Variants in HYDIN observed in about 807,000 individuals in gnomAD.
HYDIN encodes HYDIN axonemal central pair apparatus protein.
Under a neutral mutation model 403.9 loss-of-function variants are expected in HYDIN, and 132 were observed. The ratio of observed to expected loss-of-function variants is 0.33; its 90% CI spans 0.28 to 0.38. HYDIN has a LOEUF of 0.38. Ranked by LOEUF, HYDIN falls within the 10% of genes least tolerant of loss-of-function variation. The pLI is 1.00. For missense variants in HYDIN, 2,827 were observed against 5,009.5 expected (o/e 0.56, Z 13.15); for synonymous variants, 1,202 against 1,891.7 (o/e 0.64, Z 9.46).
At chr16:71,041,487 A>C (rs1004749875) in intron 18 of HYDIN, among the ~76,000 whole-genome samples, 27 of 152,284 alleles carry the variant, frequency 1.8e-4, no homozygotes, top group Non-Finnish European at 3.7e-4. Flanking sequence ...GGATTAGTTA[A>C]ATCAACTGTG....
intron 13 of HYDIN, among the ~76,000 whole-genome samples, chr16:71,070,321 C>CTT (rs1228628094): frequency 3.6e-5 from 5 of 137,284 alleles, no homozygotes; most frequent in Non-Finnish European, 6.5e-5. Context: ...TCCTTTCTTT[C>CTT]TTTTTTTTTT....
intron 7 of HYDIN, among the ~76,000 whole-genome samples, chr16:71,138,784 T>A (rs1568214618): frequency 6.6e-6 from 1 of 152,092 alleles, no homozygotes; most frequent in Non-Finnish European, 1.5e-5. Context: ...AAGTTAATAC[T>A]CAAAGAACTA....
At chr16:71,225,810 A>G (rs867401625) in intron 1 of HYDIN, among the ~76,000 whole-genome samples, 1 of 152,358 alleles carries the variant, frequency 6.6e-6, no homozygotes, top group Middle Eastern at 3.4e-3. Flanking sequence ...TTAAAACAGT[A>G]TCATATACAA....
At chr16:70,881,799 C>A (rs2040825802) in intron 60 of HYDIN, among the ~76,000 whole-genome samples, 1 of 152,232 alleles carries the variant, frequency 6.6e-6, no homozygotes, top group African/African-American at 2.4e-5. Flanking sequence ...CAACTGTGAA[C>A]AATGCCAGCT....
chr16:71,214,314 C>G lies in HYDIN; in HGVS notation c.-24+16248G>C, dbSNP rs1424135. 8.5e-3 allele frequency among the ~76,000 whole-genome samples: 1,293 copies of G among 152,062 alleles called. 18 individuals carry two copies. The highest frequency in any genetic ancestry group is 0.03 in the African/African-American group (1,229 of 41,470). Reference sequence around the variant, plus strand: ...GTAAAAGATATTTTTCCAGATCAAACTGGAAATGGAACTTCAAATAAATCA... The same window carrying G: ...GTAAAAGATATTTTTCCAGATCAAAGTGGAAATGGAACTTCAAATAAATCA... On this transcript the variant is annotated intron_variant, in intron 1 of 85. Transcript: ENST00000393567.
At chr16:70,932,009 CAAAAA>C (rs57391181) in intron 45 of HYDIN, among the ~76,000 whole-genome samples, 2 of 29,072 alleles carry the variant, frequency 6.9e-5, no homozygotes, top group African/African-American at 4.0e-4. Flanking sequence ...AGACTTGTAT[CAAAAA>C]AAAAAAAAAA....
chr16:70,920,169 G>A (rs2076952284), intron 46 of HYDIN, among the ~76,000 whole-genome samples: 1 of 56,742 alleles, frequency 1.8e-5, no homozygotes, highest in Non-Finnish European at 3.5e-5. Context: ...TAGCAAAGGT[G>A]GCTTTTGGAT....
chr16:70,940,562 A>G (rs1454104661), intron 43 of HYDIN, among the ~76,000 whole-genome samples: 1 of 151,940 alleles, frequency 6.6e-6, no homozygotes, highest in African/African-American at 2.4e-5. Context: ...AACTGGGAGA[A>G]ATTTCATTCT....
intron 84 of HYDIN, chr16:70,817,604 A>C (rs577588121): frequency 2.6e-5 from 4 of 152,294 alleles, no homozygotes; most frequent in African/African-American, 9.6e-5. Flanking sequence ...TCACAATTCT[A>C]TAATTCCAGC....
At chr16:70,887,777 G>A (rs377357917) in intron 58 of HYDIN, among the ~76,000 whole-genome samples, 5 of 149,342 alleles carry the variant, frequency 3.3e-5, no homozygotes, top group East Asian at 2.0e-4. Context: ...TCTGCCTCCC[G>A]GGTTCATGCC....
intron 7 of HYDIN, among the ~76,000 whole-genome samples, chr16:71,145,988 A>G (rs548091462): frequency 1.3e-5 from 2 of 152,200 alleles, no homozygotes; most frequent in South Asian, 4.2e-4. Context: ...TGAACTCAAA[A>G]CTCAACAAAT....
At chr16:70,980,608 T>C (rs1437341226) in intron 29 of HYDIN, among the ~76,000 whole-genome samples, 1 of 150,984 alleles carries the variant, frequency 6.6e-6, no homozygotes, top group African/African-American at 2.4e-5. Context: ...ATTCAGTGGA[T>C]GATTATGAAC....
intron 75 of HYDIN, among the ~76,000 whole-genome samples, chr16:70,843,196 C>A (rs2037955951): frequency 9.2e-6 from 1 of 109,066 alleles, no homozygotes; most frequent in Admixed American, 1.1e-4. Flanking sequence ...TCCCCCCTCC[C>A]CCCACCCCAC....
chr16:71,018,676 G>A (rs1308586172), intron 22 of HYDIN, among the ~76,000 whole-genome samples: 1 of 151,642 alleles, frequency 6.6e-6, no homozygotes, highest in East Asian at 1.9e-4. Flanking sequence ...TTATGTATAT[G>A]GATACACATT....
At chr16:71,080,859 C>G (rs572871645) in intron 12 of HYDIN, 1 of 150,590 alleles carries the variant, frequency 6.6e-6, no homozygotes. Flanking sequence ...AGGAAAGAGA[C>G]AGAAGAGGAG....
At chr16:71,003,381 TTAA>T in intron 23 of HYDIN, among the ~76,000 whole-genome samples, 1 of 152,336 alleles carries the variant, frequency 6.6e-6, no homozygotes, top group African/African-American at 2.4e-5. Flanking sequence ...TAGGTCTTAT[TTAA>T]TGACTTTAAA....
intron 29 of HYDIN, among the ~76,000 whole-genome samples, chr16:70,981,129 C>A (rs1322619076): frequency 6.6e-6 from 1 of 151,944 alleles, no homozygotes; most frequent in Non-Finnish European, 1.5e-5. Flanking sequence ...GGAGGAAAAG[C>A]TTTTGGAGGT....
At position 70,959,933 on chromosome 16, in the gene HYDIN, T is replaced by A. The variant is rs2078360473; in HGVS notation, c.5969-113A>T. ...GATATTTCTTTTTAAATGCTGTTTT[T>A]TTTAAATGGCAAATATTGCAGCAGT... On this transcript the variant is annotated intron_variant, in intron 38 of 85. Transcript: ENST00000393567. The A allele has an allele frequency of 1.7e-5, 10 of 582,388 alleles. No homozygotes were observed. The South Asian group carries it at 2.3e-4, about 14-fold the overall frequency. 36.1% of individuals were successfully genotyped at this position (582,388 alleles called of 1,614,324 possible).
chr16:70,905,632 T>TAAAA (rs10718035), intron 50 of HYDIN, among the ~76,000 whole-genome samples: 1 of 99,550 alleles, frequency 1.0e-5, no homozygotes, highest in African/African-American at 5.3e-5. Context: ...GACCCTATCT[T>TAAAA]AAAAAAAAAA....
Sources: allele counts gnomAD v4.1 joint callset (sites outside exome capture counted in the v4.1 genomes callset), GRCh38; gene constraint gnomAD v4.1.1; transcripts MANE v1.5; gene names NCBI Gene and HGNC (gene_info 2026-07-23, HGNC 2026-07-21).